Variants in DNASE1L3 observed in about 807,000 individuals in gnomAD.
The protein encoded by DNASE1L3 is deoxyribonuclease 1L3, also known as deoxyribonuclease gamma.
A neutral mutation model predicts 30.9 loss-of-function variants in DNASE1L3; 27 were observed. The ratio of observed to expected loss-of-function variants is 0.87; its 90% confidence interval spans 0.64 to 1.20. The LOEUF is 1.20. Ranked by LOEUF, DNASE1L3 falls within the 50% of genes most tolerant of loss-of-function variation. The probability of loss-of-function intolerance (pLI) is 0.00; values close to 1 mark genes in which losing one functional copy is unlikely to be tolerated. For synonymous variants in DNASE1L3, 135 were observed against 138.0 expected, an observed-to-expected ratio of 0.98 and a Z score of 0.15; for missense variants, 364 against 378.2, an observed-to-expected ratio of 0.96 and a Z score of 0.31.
chr3:58,201,135 T>C, intron 4 of DNASE1L3, 26 bp from the exon 5 acceptor site: 1 of 1,574,232 alleles, frequency 6.4e-7, no homozygotes, highest in Non-Finnish European at 8.7e-7. Context: ...GAGGCGGGGG[T>C]CACACACTTC....
rs1459532383 is a variant in DNASE1L3 at position 58,196,553 on chromosome 3, A to T, written c.704+1268T>A. On this transcript the variant is annotated intron_variant, in intron 6 of 7. Transcript: ENST00000394549. Reference sequence around the variant, plus strand: ...GGGCAACAGAGCGAGACTCTGTCTAAAAAAAAAAAAAAAAAAAAAAAAAAC... The same window carrying T: ...GGGCAACAGAGCGAGACTCTGTCTATAAAAAAAAAAAAAAAAAAAAAAAAC... 1.5e-4 allele frequency among the ~76,000 whole-genome samples: 5 copies of T among 33,138 alleles called. No individual in the cohort carries two copies. The South Asian group carries it at 4.9e-3, about 33-fold the overall frequency. The allele number at this position is 33,138 out of a possible 152,430, so 21.7% of individuals were successfully genotyped here. A position where few individuals can be genotyped will look rare whatever the true frequency, so the allele number is the denominator to read the frequency against.
intron 2 of DNASE1L3, among the ~76,000 whole-genome samples, chr3:58,207,454 C>T (rs777282068): frequency 1.1e-4 from 3 of 28,522 alleles, no homozygotes; most frequent in African/African-American, 3.4e-4. Context: ...CCCCCCCCCC[C>T]CACCAGAAGT....
chr3:58,209,299 G>C (rs1052002332), intron 1 of DNASE1L3, among the ~76,000 whole-genome samples: 1 of 152,184 alleles, frequency 6.6e-6, no homozygotes, highest in Non-Finnish European at 1.5e-5. Flanking sequence ...GAGATGCAGA[G>C]TTCAAGCCCC....
chr3:58,208,153 A>G, intron 2 of DNASE1L3, 65 bp downstream of exon 2: 2 of 1,496,698 alleles, frequency 1.3e-6, no homozygotes, highest in Non-Finnish European at 1.9e-6. Flanking sequence ...TTCAGTTCCC[A>G]GGGGTTTTCA....
At chr3:58,199,295 T>A (rs2097399165) in intron 5 of DNASE1L3, among the ~76,000 whole-genome samples, 2 of 152,156 alleles carry the variant, frequency 1.3e-5, no homozygotes, top group South Asian at 4.1e-4. Flanking sequence ...AAGAGCCCAC[T>A]AACTTCTATA....
Position 58,210,663 on chromosome 3 carries a change from C to T in DNASE1L3, c.141+103G>A. The T allele has an allele frequency of 3.9e-6, 6 of 1,552,280 alleles. No homozygotes were observed. The South Asian group carries it at 5.9e-5, about 15-fold the overall frequency. On this transcript the variant is annotated intron_variant, in intron 1 of 7. Transcript: ENST00000394549. Reference sequence around the variant, plus strand: ...TTGTTCCAAGCCAGCTTCTACATTCCCCCTAAGGGCCAACTTTAAGTTCCT... The same window carrying T: ...TTGTTCCAAGCCAGCTTCTACATTCTCCCTAAGGGCCAACTTTAAGTTCCT...
intron 4 of DNASE1L3, among the ~76,000 whole-genome samples, chr3:58,203,811 A>G (rs78156294): frequency 1.3e-5 from 2 of 149,658 alleles, no homozygotes; most frequent in African/African-American, 4.9e-5. Context: ...AAAACAGAAG[A>G]AAAAAAAAAG....
chr3:58,205,027 C>T (rs570245336), intron 3 of DNASE1L3, 146 bp from the exon 4 acceptor site: 2 of 685,878 alleles, frequency 2.9e-6, no homozygotes, highest in African/African-American at 3.6e-5. Context: ...AAGGCTAAGT[C>T]AACTCTTCTC....
chr3:58,201,649 T>G (rs749096024), intron 4 of DNASE1L3, among the ~76,000 whole-genome samples: 12 of 152,218 alleles, frequency 7.9e-5, no homozygotes, highest in Non-Finnish European at 1.3e-4. Flanking sequence ...CATAAGCAAC[T>G]TCCTCTTTTC....
At chr3:58,206,634 G>A (rs945936322) in intron 2 of DNASE1L3, among the ~76,000 whole-genome samples, 1 of 152,186 alleles carries the variant, frequency 6.6e-6, no homozygotes, top group African/African-American at 2.4e-5. Context: ...GTTGGGGTGT[G>A]CCAAGACCAC....
At chr3:58,205,789 C>A (rs150362669) in intron 2 of DNASE1L3, among the ~76,000 whole-genome samples, 1 of 152,334 alleles carries the variant, frequency 6.6e-6, no homozygotes, top group East Asian at 1.9e-4. Context: ...AGAGTGTTAT[C>A]ATTACCCCCT....
At chr3:58,207,974 C>T (rs562819620) in intron 2 of DNASE1L3, 66 of 417,630 alleles carry the variant, frequency 1.6e-4, no homozygotes, top group African/African-American at 1.3e-3. Flanking sequence ...GCCTCATCTG[C>T]TTTTTTCATT....
chr3:58,205,032 C>T, intron 3 of DNASE1L3, 151 bp from the exon 4 acceptor site: 2 of 685,720 alleles, frequency 2.9e-6, no homozygotes, highest in South Asian at 3.9e-5. Flanking sequence ...TAAGTCAACT[C>T]TTCTCAACAG....
chr3:58,205,361 A>G lies in DNASE1L3; in HGVS notation c.320+110T>C, dbSNP rs1575499251. On this transcript the variant is annotated intron_variant, in intron 3 of 7. Transcript: ENST00000394549. ...TTTGACAGCAATTATTTTGATGAACACTGAGAATTGGTTAGAAATCAAAAT... is the reference window on the plus strand; with the variant it reads ...TTTGACAGCAATTATTTTGATGAACGCTGAGAATTGGTTAGAAATCAAAAT... The G allele has an allele frequency of 3.1e-6, 3 of 959,356 alleles. No homozygotes were observed. In the East Asian group the frequency reaches 7.2e-5, roughly 23 times the overall value. 59.4% of individuals were successfully genotyped at this position (959,356 alleles called of 1,614,324 possible). A position where few individuals can be genotyped will look rare whatever the true frequency, so the allele number is the denominator to read the frequency against.
At chr3:58,201,769 T>A (rs966499473) in intron 4 of DNASE1L3, among the ~76,000 whole-genome samples, 33 of 152,258 alleles carry the variant, frequency 2.2e-4, no homozygotes, top group Non-Finnish European at 1.5e-5. Context: ...CAGGACACAG[T>A]AGCAGGGACA....
At position 58,197,748 on chromosome 3, in the gene DNASE1L3, C is replaced by T; in HGVS notation, c.704+73G>A. 6.2e-7 allele frequency: 1 copy of T among 1,604,622 alleles called. No individual in the cohort carries two copies. The highest frequency in any genetic ancestry group is 8.5e-7 in the Non-Finnish European group (1 of 1,174,564). On this transcript the variant is annotated intron_variant, in intron 6 of 7. Transcript: ENST00000394549. This position sits in a 1 kb window ranked among gnomAD's most constrained non-coding sequence, Gnocchi z 5.3. ...GACTACTGGCGTGAGCCACAGTGCC[C>T]AGCCACCTTGCGTCTTTCCTAGTGC... is the stretch of plus-strand genomic sequence containing the variant.
chr3:58,206,300 G>A (rs2097403852), intron 2 of DNASE1L3, among the ~76,000 whole-genome samples: 1 of 152,148 alleles, frequency 6.6e-6, no homozygotes, highest in African/African-American at 2.4e-5. Flanking sequence ...GTCTAAAGCT[G>A]CAGCATATTC....
intron 4 of DNASE1L3, among the ~76,000 whole-genome samples, chr3:58,204,180 G>A (rs1330365283): frequency 3.4e-5 from 5 of 145,638 alleles, no homozygotes; most frequent in Non-Finnish European, 5.9e-5. Context: ...TCACTCTATC[G>A]CCCAAGCTGG....
Position 58,200,984 on chromosome 3 carries a change from C to T in DNASE1L3, c.546+13G>A. 6.2e-7 allele frequency: 1 copy of T among 1,607,406 alleles called. No individual in the cohort carries two copies. Among genetic ancestry groups the T allele is most frequent in the Middle Eastern group, 1.7e-4 (1 of 5,962 alleles). On this transcript the variant is annotated intron_variant, in intron 5 of 7. Transcript: ENST00000394549. The surrounding 1 kb of genome is among the most constrained non-coding windows in gnomAD (Gnocchi z 4.2). ...CTGCTAGATGGGAATTCGTCTGACA[C>T]AGCAGTCCTCACCTCCGCCTTCCAG...
Sources: gnomAD v4.1 joint callset for allele counts (sites outside exome capture counted in the v4.1 genomes callset) on GRCh38, gnomAD v4.1.1 for gene constraint, Gnocchi (gnomAD v3.1) non-coding constraint, MANE v1.5 for transcripts, NCBI Gene and HGNC (gene_info 2026-07-23, HGNC 2026-07-21) for gene names.